The following WDR70 variants were observed in gnomAD, a reference collection of about 807,000 sequenced individuals.
WDR70 encodes WD repeat-containing protein 70.
In WDR70, 53 loss-of-function variants were observed where a neutral mutation model predicts 88.6. That is an observed-to-expected ratio of 0.60 (90% confidence interval 0.48 to 0.75). The LOEUF is 0.75. Among genes scored for constraint, WDR70 ranks in the 30% least tolerant of loss-of-function variants. WDR70 has a pLI of 0.00. For missense variants in WDR70, 610 were observed against 823.2 expected (o/e 0.74, Z 3.17); for synonymous variants, 280 against 270.0 (o/e 1.04, Z -0.36).
chr5:37,483,309 C>A (rs564429350), intron 8 of WDR70, among the ~76,000 whole-genome samples: 1 of 151,622 alleles, frequency 6.6e-6, no homozygotes, highest in Non-Finnish European at 1.5e-5. Context: ...TGACTCTTAA[C>A]GAGCATGCTG....
At chr5:37,662,866 C>T (rs936919556) in intron 10 of WDR70, among the ~76,000 whole-genome samples, 1 of 152,128 alleles carries the variant, frequency 6.6e-6, no homozygotes, top group African/African-American at 2.4e-5. Flanking sequence ...GTTGAAAGGG[C>T]TACGTCAGTA....
At chr5:37,563,284 C>T (rs1487804799) in intron 9 of WDR70, among the ~76,000 whole-genome samples, 1 of 54,446 alleles carries the variant, frequency 1.8e-5, no homozygotes, top group African/African-American at 7.6e-5. Context: ...CCGGATGGGG[C>T]GGCTGGCCGG....
intron 9 of WDR70, among the ~76,000 whole-genome samples, chr5:37,604,448 C>A (rs572781964): frequency 6.6e-6 from 1 of 152,274 alleles, no homozygotes; most frequent in Non-Finnish European, 1.5e-5. Flanking sequence ...TTCTACCCTC[C>A]CTTACTGACA....
intron 9 of WDR70, among the ~76,000 whole-genome samples, chr5:37,538,718 A>G (rs886145586): frequency 6.6e-6 from 1 of 152,228 alleles, no homozygotes; most frequent in African/African-American, 2.4e-5. Flanking sequence ...GAAGAGGGCA[A>G]GATGGCAGTC....
intron 7 of WDR70, among the ~76,000 whole-genome samples, chr5:37,478,059 A>G (rs1739540706): frequency 6.6e-6 from 1 of 152,248 alleles, no homozygotes; most frequent in Non-Finnish European, 1.5e-5. Context: ...CATGAGATCA[A>G]TGACTGCATA....
At chr5:37,617,983 T>G (rs973812018) in intron 10 of WDR70, among the ~76,000 whole-genome samples, 2 of 152,212 alleles carry the variant, frequency 1.3e-5, no homozygotes, top group South Asian at 2.1e-4. Flanking sequence ...TGAGTTCACA[T>G]AAGTATTTAC....
At chr5:37,515,339 C>A (rs1267603693) in intron 8 of WDR70, among the ~76,000 whole-genome samples, 1 of 152,166 alleles carries the variant, frequency 6.6e-6, no homozygotes, top group African/African-American at 2.4e-5. Context: ...CAGAAAGAAT[C>A]AAGATTTTCC....
chr5:37,752,621 A>T lies in WDR70; in HGVS notation c.*48A>T, dbSNP rs1255065983. 4 of 1,372,808 alleles carry T rather than the reference A, an allele frequency of 2.9e-6. No homozygotes were observed. Among genetic ancestry groups the T allele is most frequent in the Non-Finnish European group, 4.0e-6 (4 of 993,896 alleles). 85.0% of individuals were successfully genotyped at this position (1,372,808 alleles called of 1,614,324 possible). ...TGCATGAGTGGGAGGGGTATGGGAC[A>T]GGTTTGGGTTTTTTTTTTATGCTCA... On this transcript the variant is annotated 3_prime_UTR_variant, in exon 18 of 18. Coordinates refer to ENST00000265107, the MANE Select transcript of WDR70 (RefSeq NM_018034.4).
At chr5:37,521,501 C>T (rs911499818) in intron 9 of WDR70, among the ~76,000 whole-genome samples, 9 of 152,092 alleles carry the variant, frequency 5.9e-5, no homozygotes, top group Non-Finnish European at 1.3e-4. Context: ...GCCACCGTTT[C>T]CCCCAAGTCC....
chr5:37,512,227 A>AT (rs1216246099), intron 8 of WDR70, among the ~76,000 whole-genome samples: 3 of 150,094 alleles, frequency 2.0e-5, no homozygotes, highest in East Asian at 2.0e-4. Context: ...TTTAAAAAAA[A>AT]TTTTTTTTTT....
intron 8 of WDR70, among the ~76,000 whole-genome samples, chr5:37,515,794 G>GT (rs1227203230): frequency 3.9e-5 from 6 of 152,162 alleles, no homozygotes; most frequent in Non-Finnish European, 7.3e-5. Flanking sequence ...CTGACTTGCT[G>GT]TATGAGACCA....
intron 7 of WDR70, among the ~76,000 whole-genome samples, chr5:37,474,687 A>T (rs573531364): frequency 6.6e-6 from 1 of 152,260 alleles, no homozygotes; most frequent in South Asian, 2.1e-4. Flanking sequence ...TATTAAGCCC[A>T]GCATCCATTA....
At chr5:37,748,291 A>G (rs1463190176) in intron 17 of WDR70, among the ~76,000 whole-genome samples, 1 of 152,202 alleles carries the variant, frequency 6.6e-6, no homozygotes, top group Non-Finnish European at 1.5e-5. Flanking sequence ...GAAGCAGAAC[A>G]GAGTCCTCAG....
At chr5:37,490,290 G>A (rs1740027803) in intron 8 of WDR70, among the ~76,000 whole-genome samples, 1 of 152,178 alleles carries the variant, frequency 6.6e-6, no homozygotes, top group Non-Finnish European at 1.5e-5. Flanking sequence ...TCCTTGGGTG[G>A]TGGTTGCAGC....
At chr5:37,435,253 G>T (rs1293783114) in intron 5 of WDR70, among the ~76,000 whole-genome samples, 1 of 152,090 alleles carries the variant, frequency 6.6e-6, no homozygotes, top group Non-Finnish European at 1.5e-5. Flanking sequence ...ATTTCTATTT[G>T]CTGAGTGATG....
intron 10 of WDR70, among the ~76,000 whole-genome samples, chr5:37,632,123 T>C (rs1744834724): frequency 6.6e-6 from 1 of 152,214 alleles, no homozygotes; most frequent in Non-Finnish European, 1.5e-5. Context: ...CTGAAAAATT[T>C]ATATTACCTG....
chr5:37,447,411 A>G (rs1435694883), intron 7 of WDR70, among the ~76,000 whole-genome samples: 2 of 152,194 alleles, frequency 1.3e-5, no homozygotes, highest in Admixed American at 6.6e-5. Flanking sequence ...TAGAAATACC[A>G]TTTGACCCAG....
intron 10 of WDR70, among the ~76,000 whole-genome samples, chr5:37,622,629 AC>A (rs1348500578): frequency 6.6e-6 from 1 of 152,158 alleles, no homozygotes; most frequent in Non-Finnish European, 1.5e-5. Context: ...TTCTCAGCAA[AC>A]TATAGCAAGG....
chr5:37,707,207 T>A (rs1747353971), intron 13 of WDR70, among the ~76,000 whole-genome samples: 2 of 152,220 alleles, frequency 1.3e-5, no homozygotes, highest in South Asian at 4.1e-4. Flanking sequence ...TATGCAATTG[T>A]ACCAGTATAT....
Sources: gnomAD v4.1 joint callset for allele counts (sites outside exome capture counted in the v4.1 genomes callset) on GRCh38, gnomAD v4.1.1 for gene constraint, MANE v1.5 for transcripts, NCBI Gene and HGNC (gene_info 2026-07-23, HGNC 2026-07-21) for gene names.